The following FMN1 variants were observed in gnomAD, a reference collection of about 807,000 sequenced individuals.
FMN1 encodes the protein formin-1.
Under a neutral mutation model 132.4 loss-of-function variants are expected in FMN1, and 110 were observed. The observed-to-expected ratio is 0.83, with a 90% confidence interval of 0.71 to 0.97. FMN1 has a LOEUF of 0.97. Ranked by LOEUF, FMN1 falls within the 50% of genes least tolerant of loss-of-function variation. The probability of loss-of-function intolerance (pLI) is 0.00; values close to 1 mark genes in which losing one functional copy is unlikely to be tolerated. For missense variants in FMN1, 1,792 were observed against 1,705.3 expected (o/e 1.05, Z -0.90); for synonymous variants, 722 against 651.7 (o/e 1.11, Z -1.64).
At chr15:33,151,622 GTA>G (rs1377503825) in intron 4 of FMN1, among the ~76,000 whole-genome samples, 1 of 152,162 alleles carries the variant, frequency 6.6e-6, no homozygotes, top group Non-Finnish European at 1.5e-5. Flanking sequence ...AAAGAGCAAT[GTA>G]TTTAATGCAC....
chr15:32,877,663 C>T (rs535267510), intron 16 of FMN1, among the ~76,000 whole-genome samples: 13 of 152,316 alleles, frequency 8.5e-5, no homozygotes, highest in Non-Finnish European at 1.6e-4. Flanking sequence ...ATAATACAAT[C>T]TTCCAGCAAG....
chr15:32,800,547 A>G (rs751462533), intron 18 of FMN1, among the ~76,000 whole-genome samples: 8 of 152,248 alleles, frequency 5.3e-5, no homozygotes, highest in South Asian at 2.1e-4. Flanking sequence ...ATGGGAATAC[A>G]TAAGTAGAGA....
chr15:33,090,539 G>C (rs1285223089), intron 4 of FMN1, among the ~76,000 whole-genome samples: 1 of 151,980 alleles, frequency 6.6e-6, no homozygotes, highest in Non-Finnish European at 1.5e-5. Flanking sequence ...TGAGAAAAAT[G>C]AGAGTCCAGG....
chr15:32,819,473 G>A (rs1013903779), intron 17 of FMN1, among the ~76,000 whole-genome samples: 2 of 152,118 alleles, frequency 1.3e-5, no homozygotes, highest in Non-Finnish European at 2.9e-5. Context: ...GGCATATGGT[G>A]GTTGGCGCCA....
intron 10 of FMN1, among the ~76,000 whole-genome samples, chr15:32,917,069 C>A (rs2060701931): frequency 6.6e-6 from 1 of 152,066 alleles, no homozygotes; most frequent in Non-Finnish European, 1.5e-5. Context: ...AACATCTTCC[C>A]ACAGTTTTCC....
At chr15:33,130,924 C>T (rs1456037273) in intron 4 of FMN1, among the ~76,000 whole-genome samples, 1 of 152,078 alleles carries the variant, frequency 6.6e-6, no homozygotes, top group Admixed American at 6.5e-5. Flanking sequence ...TACTTCAATT[C>T]TAGGCTTCAG....
chr15:33,148,291 T>C (rs1261696015), intron 4 of FMN1, among the ~76,000 whole-genome samples: 1 of 152,182 alleles, frequency 6.6e-6, no homozygotes, highest in Non-Finnish European at 1.5e-5. Flanking sequence ...CAGCCTCTTA[T>C]AATCTACTCA....
At chr15:33,189,568 G>A (rs1966003219) in intron 2 of FMN1, among the ~76,000 whole-genome samples, 1 of 152,098 alleles carries the variant, frequency 6.6e-6, no homozygotes. Context: ...ATAAAGCCAG[G>A]AACGTTCTCT....
At chr15:33,032,930 A>G (rs1382706959) in intron 6 of FMN1, among the ~76,000 whole-genome samples, 3 of 152,188 alleles carry the variant, frequency 2.0e-5, no homozygotes, top group Non-Finnish European at 4.4e-5. Context: ...TGTGAGGTTT[A>G]GAGTTATTAA....
At chr15:32,856,360 G>A (rs2059130978) in intron 17 of FMN1, among the ~76,000 whole-genome samples, 1 of 152,172 alleles carries the variant, frequency 6.6e-6, no homozygotes, top group Non-Finnish European at 1.5e-5. Flanking sequence ...TAAAAGACAT[G>A]ATACTTCCAT....
intron 11 of FMN1, 64 bp downstream of exon 11, chr15:32,910,410 T>C: frequency 7.7e-7 from 1 of 1,295,876 alleles, no homozygotes; most frequent in Non-Finnish European, 1.1e-6. Context: ...CATGAACAGC[T>C]CAGTCATTTC....
chr15:33,159,759 A>G (rs1212773142), intron 3 of FMN1, among the ~76,000 whole-genome samples: 1 of 152,248 alleles, frequency 6.6e-6, no homozygotes, highest in Admixed American at 6.5e-5. Flanking sequence ...ATGGCAGTGA[A>G]TATCAGCACA....
chr15:32,804,015 CA>C (rs2057572446), intron 18 of FMN1, among the ~76,000 whole-genome samples: 1 of 152,134 alleles, frequency 6.6e-6, no homozygotes, highest in Non-Finnish European at 1.5e-5. Context: ...AGAAGTCAGT[CA>C]CACAAGGACA....
chr15:32,856,981 G>A, intron 17 of FMN1, 34 bp downstream of exon 17: 2 of 1,450,780 alleles, frequency 1.4e-6, no homozygotes, highest in Non-Finnish European at 1.9e-6. Flanking sequence ...ATGTTTCAGG[G>A]CCACGTGTAT....
rs1322544033 is a variant in FMN1, at chr15:32,773,342, C to G, written c.*968G>C. The G allele has an allele frequency of 6.6e-6, 1 of 152,216 alleles. No homozygotes were observed. Among genetic ancestry groups the G allele is most frequent in the African/African-American group, 2.4e-5 (1 of 41,428 alleles). 9.4% of individuals were successfully genotyped at this position (152,216 alleles called of 1,614,324 possible). On this transcript the variant is annotated 3_prime_UTR_variant, in exon 21 of 21. Coordinates refer to ENST00000616417, the MANE Select transcript of FMN1 (RefSeq NM_001277313.2). Reference sequence around the variant, plus strand: ...CTGTGAGTTGCATTTGCTCTCCTGTCTGGAAACTGCCTCCTGGGGATGGGG... The same window carrying G: ...CTGTGAGTTGCATTTGCTCTCCTGTGTGGAAACTGCCTCCTGGGGATGGGG...
At chr15:32,964,850 C>A (rs1395673146) in intron 8 of FMN1, among the ~76,000 whole-genome samples, 1 of 152,146 alleles carries the variant, frequency 6.6e-6, no homozygotes, top group Non-Finnish European at 1.5e-5. Context: ...CTAAACAATA[C>A]TAACAACAAA....
chr15:33,122,018 T>G (rs143566526), intron 4 of FMN1, among the ~76,000 whole-genome samples: 2,413 of 152,332 alleles, frequency 0.016, 36 homozygotes, highest in Non-Finnish European at 0.025. Flanking sequence ...ACACGATCTC[T>G]ACTTTCAAGG....
At chr15:33,173,235 G>A (rs1965394339) in intron 3 of FMN1, among the ~76,000 whole-genome samples, 1 of 152,240 alleles carries the variant, frequency 6.6e-6, no homozygotes, top group East Asian at 1.9e-4. Context: ...GACATAATTG[G>A]TTACAAGAAC....
At chr15:32,870,440 T>C (rs2059488745) in intron 16 of FMN1, among the ~76,000 whole-genome samples, 1 of 152,174 alleles carries the variant, frequency 6.6e-6, no homozygotes. Flanking sequence ...TAATGTACCA[T>C]GATTGGGAGT....
Sources: gnomAD v4.1 joint callset for allele counts (sites outside exome capture counted in the v4.1 genomes callset) on GRCh38, gnomAD v4.1.1 for gene constraint, MANE v1.5 for transcripts, NCBI Gene and HGNC (gene_info 2026-07-23, HGNC 2026-07-21) for gene names.